ACSL6: variants seen among roughly 807,000 people sequenced by gnomAD.
The protein encoded by ACSL6 is long-chain-fatty-acid--CoA ligase 6.
In ACSL6, 47 loss-of-function variants were observed where a neutral mutation model predicts 98.2. The observed-to-expected ratio is 0.48, with a 90% confidence interval of 0.38 to 0.61. ACSL6 has a LOEUF of 0.61. Among genes scored for constraint, ACSL6 ranks in the 20% least tolerant of loss-of-function variants. The pLI is 0.00. For missense variants in ACSL6, 761 were observed against 913.4 expected, an observed-to-expected ratio of 0.83 and a Z score of 2.15; for synonymous variants, 362 against 336.9, an observed-to-expected ratio of 1.07 and a Z score of -0.82.
rs538003912 is a variant in ACSL6, at chr5:131,975,800, C to T, written c.991-830G>A. ...CACGTGCTCTCCTCTGCTGGACTTC[C>T]CTGCTCTCCACCCCTTTGCAGAGGC... On this transcript the variant is annotated intron_variant, in intron 10 of 20. Coordinates refer to ENST00000651883, the MANE Select transcript of ACSL6 (RefSeq NM_001009185.3). The T allele has an allele frequency of 3.9e-5, 38 of 985,484 alleles. 1 individual carries two copies. In the South Asian group the frequency reaches 1.4e-3, roughly 35 times the overall value. 61.0% of individuals were successfully genotyped at this position (985,484 alleles called of 1,614,324 possible). A position where few individuals can be genotyped will look rare whatever the true frequency, so the allele number is the denominator to read the frequency against.
intron 17 of ACSL6, among the ~76,000 whole-genome samples, chr5:131,964,289 A>G (rs2149698637): frequency 6.6e-6 from 1 of 152,374 alleles, no homozygotes; most frequent in Non-Finnish European, 1.5e-5. Context: ...TATTATTTAA[A>G]AAGTCACATC....
intron 20 of ACSL6, among the ~76,000 whole-genome samples, chr5:131,957,890 G>A (rs76012621): frequency 0.017 from 2,538 of 152,238 alleles, 82 homozygotes; most frequent in African/African-American, 0.057. Flanking sequence ...ACAAAGAGGA[G>A]AATGAGAACA....
chr5:131,979,787 A>G (rs1013037917), intron 9 of ACSL6, among the ~76,000 whole-genome samples: 10 of 152,234 alleles, frequency 6.6e-5, no homozygotes, highest in African/African-American at 2.4e-4. Context: ...CAATGTCAGT[A>G]AGAGATGCTG....
At chr5:131,959,868 T>A (rs1309729696) in intron 19 of ACSL6, 1 of 497,496 alleles carries the variant, frequency 2.0e-6, no homozygotes, top group African/African-American at 1.9e-5. Flanking sequence ...AGGCTTTTGG[T>A]CAGCCTGGTG....
chr5:132,004,718 A>G (rs1022357198), intron 1 of ACSL6, among the ~76,000 whole-genome samples: 2 of 152,184 alleles, frequency 1.3e-5, no homozygotes, highest in African/African-American at 4.8e-5. Flanking sequence ...TGTGGCAAGG[A>G]GATCGGGGAC....
Position 131,988,242 on chromosome 5 carries a change from A to C in ACSL6, c.653-16T>G. 6.2e-7 allele frequency: 1 copy of C among 1,613,070 alleles called. No homozygotes were observed. The highest frequency in any genetic ancestry group is 8.5e-7 in the Non-Finnish European group (1 of 1,179,312). On this transcript the variant is annotated splice_polypyrimidine_tract_variant and intron_variant, in intron 6 of 20. Coordinates refer to ENST00000651883, the MANE Select transcript of ACSL6 (RefSeq NM_001009185.3). ...CTGATGTCCGCTGCAGGGGGCCATC[A>C]AGGAGAGTCAGGCCATGTGGGCCCA... is the stretch of plus-strand genomic sequence containing the variant.
Position 131,994,016 on chromosome 5 carries a change from T to A in ACSL6, c.270+15A>T. On this transcript the variant is annotated intron_variant, in intron 2 of 20. Transcript: ENST00000651883. Reference sequence around the variant, plus strand: ...CCCCTACTTTCCGCAGTGGAACGTCTCCTATCCTGCTCACCTCTACTTCTT... The same window carrying A: ...CCCCTACTTTCCGCAGTGGAACGTCACCTATCCTGCTCACCTCTACTTCTT... 1.9e-6 allele frequency: 3 copies of A among 1,612,588 alleles called. No homozygotes were observed. The highest frequency in any genetic ancestry group is 2.5e-6 in the Non-Finnish European group (3 of 1,179,656).
At chr5:131,985,261 A>AG in intron 9 of ACSL6, 146 bp downstream of exon 9, 1 of 945,900 alleles carries the variant, frequency 1.1e-6, no homozygotes, top group Middle Eastern at 2.1e-4. Flanking sequence ...TGGGAGGTGC[A>AG]GGAGGTCACC....
chr5:131,976,623 G>C, intron 10 of ACSL6, 25 bp downstream of exon 10: 1 of 1,592,818 alleles, frequency 6.3e-7, no homozygotes, highest in Non-Finnish European at 8.6e-7. Context: ...AGAGACACCT[G>C]CAACAGTAAT....
intron 19 of ACSL6, among the ~76,000 whole-genome samples, chr5:131,960,218 C>T (rs569293794): frequency 3.9e-5 from 6 of 152,140 alleles, no homozygotes; most frequent in Admixed American, 1.3e-4. Context: ...TGTGTGACCT[C>T]GGGCAAGTTA....
chr5:131,994,822 C>T (rs253947), intron 1 of ACSL6: 103,638 of 166,538 alleles, frequency 0.62, 37,151 homozygotes, highest in Non-Finnish European at 0.8. Context: ...GATACTCCAG[C>T]CCTCATGATG....
rs921080936 is a variant in ACSL6, at chr5:131,966,674, A to T, written c.1597-142T>A. Reference sequence around the variant, plus strand: ...TATGGCAGGGATGGAAACAGAGGACAAGGAACAGCCAGCAGCCATCTGAAC... The same window carrying T: ...TATGGCAGGGATGGAAACAGAGGACTAGGAACAGCCAGCAGCCATCTGAAC... On this transcript the variant is annotated intron_variant, in intron 16 of 20. Transcript: ENST00000651883. 49 of 745,106 alleles carry T rather than the reference A, an allele frequency of 6.6e-5. 1 individual carries two copies. In the Middle Eastern group the frequency reaches 1.7e-3, roughly 25 times the overall value. The allele number at this position is 745,106 out of a possible 1,614,324, so 46.2% of individuals were successfully genotyped here. A position where few individuals can be genotyped will look rare whatever the true frequency, so the allele number is the denominator to read the frequency against.
intron 13 of ACSL6, 22 bp from the exon 14 acceptor site, chr5:131,971,667 G>T: frequency 6.3e-7 from 1 of 1,581,296 alleles, no homozygotes; most frequent in Non-Finnish European, 8.6e-7. Context: ...AAGAAGAGCT[G>T]CCAAATTTTG....
rs933544546 is a variant in ACSL6 at position 131,986,857 on chromosome 5, G to A, written c.832-3C>T. ...TGGTGATTCTCTTGGCCACAGTCCT[G>A]AAAGAAGAAAATGCTGTTTTTAAAT... On this transcript the variant is annotated splice_polypyrimidine_tract_variant and splice_region_variant and intron_variant, in intron 7 of 20. Transcript: ENST00000651883. 2.5e-6 allele frequency: 4 copies of A among 1,614,066 alleles called. No individual in the cohort carries two copies. The highest frequency in any genetic ancestry group is 3.4e-6 in the Non-Finnish European group (4 of 1,180,046).
intron 7 of ACSL6, 88 bp downstream of exon 7, chr5:131,987,960 A>AGG: frequency 6.5e-7 from 1 of 1,540,258 alleles, no homozygotes; most frequent in South Asian, 1.2e-5. Flanking sequence ...CAGCCACCCC[A>AGG]GGGCATGAGA....
chr5:131,972,696 C>G, intron 13 of ACSL6, 28 bp downstream of exon 13: 1 of 1,613,492 alleles, frequency 6.2e-7, no homozygotes, highest in South Asian at 1.1e-5. Flanking sequence ...TTAGGTGTCA[C>G]TCTATAATCA....
intron 9 of ACSL6, chr5:131,983,690 C>T (rs1421969439): frequency 6.6e-6 from 1 of 152,348 alleles, no homozygotes; most frequent in Non-Finnish European, 1.5e-5. Flanking sequence ...GCCCTGCTCA[C>T]TCCCCCAGCT....
At chr5:131,973,436 G>T in intron 11 of ACSL6, 36 bp from the exon 12 acceptor site, 1 of 1,608,046 alleles carries the variant, frequency 6.2e-7, no homozygotes, top group South Asian at 1.1e-5. Context: ...GAGTCCCTTA[G>T]GGTGGTCACT....
chr5:131,975,764 G>A lies in ACSL6; in HGVS notation c.991-794C>T, dbSNP rs1580653497. 5.1e-6 allele frequency: 5 copies of A among 985,480 alleles called. No individual in the cohort carries two copies. In the Admixed American group the frequency reaches 3.1e-4, roughly 60 times the overall value. The allele number at this position is 985,480 out of a possible 1,614,324, so 61.0% of individuals were successfully genotyped here. On this transcript the variant is annotated intron_variant, in intron 10 of 20. Transcript: ENST00000651883. ...CTGCACAAGGCTTGGGATCTGGGTG[G>A]GCTGTGCCTCCACGTGCTCTCCTCT...
Sources: allele counts gnomAD v4.1 joint callset (sites outside exome capture counted in the v4.1 genomes callset), GRCh38; gene constraint gnomAD v4.1.1; transcripts MANE v1.5; gene names NCBI Gene and HGNC (gene_info 2026-07-23, HGNC 2026-07-21).